Variants in ENPP3 observed in about 807,000 individuals in gnomAD.
The protein encoded by ENPP3 is ectonucleotide pyrophosphatase/phosphodiesterase family member 3.
Under a neutral mutation model 117.8 loss-of-function variants are expected in ENPP3, and 104 were observed. That is an observed-to-expected ratio of 0.88 (90% CI 0.75 to 1.04). The LOEUF (loss-of-function observed/expected upper bound fraction) is 1.04, where lower values mean the gene tolerates loss of function less well. Ranked by LOEUF, ENPP3 falls within the 50% of genes least tolerant of loss-of-function variation. The pLI, the probability that ENPP3 is intolerant of heterozygous loss-of-function variation, is 0.00. For missense variants in ENPP3, 1,026 were observed against 1,051.9 expected, an observed-to-expected ratio of 0.98 and a Z score of 0.34; for synonymous variants, 380 against 349.9, an observed-to-expected ratio of 1.09 and a Z score of -0.96.
chr6:131,707,653 CT>C (rs1427041828), intron 15 of ENPP3, among the ~76,000 whole-genome samples: 1 of 67,522 alleles, frequency 1.5e-5, no homozygotes, highest in Non-Finnish European at 2.3e-5. Flanking sequence ...CTTGAGACTT[CT>C]TTGACTGATA....
intron 6 of ENPP3, among the ~76,000 whole-genome samples, chr6:131,660,001 TA>T (rs1205354907): frequency 6.6e-6 from 1 of 152,202 alleles, no homozygotes; most frequent in African/African-American, 2.4e-5. Flanking sequence ...TAAAATATTT[TA>T]AAACATTTAA....
rs61741318 is a variant in ENPP3, at chr6:131,652,885, C to T, written c.458C>T (p.Pro153Leu). The change falls in exon 5 of 25, where the codon CCA becomes CTA. Residue 153 changes from proline (P) to leucine (L), a missense_variant. Physicochemically the swap from Pro to Leu is moderately conservative, Grantham distance 98 (BLOSUM62 -3). Coordinates refer to ENST00000357639, the MANE Select transcript of ENPP3 (RefSeq NM_005021.5). ...GACACAGCCCAGCAGTCTCAGTGCC[C>T]AGAAGGGTGAGCATGACTGATACAG... Reference protein sequence around the residue: ...NCDTAQQSQCPEGFDLPPVIL... With the variant: ...NCDTAQQSQCLEGFDLPPVIL... 2,574 of 1,609,612 alleles carry T rather than the reference C, an allele frequency of 1.6e-3. 30 individuals carry two copies. The African/African-American group carries it at 0.024, about 15-fold the overall frequency.
intron 6 of ENPP3, among the ~76,000 whole-genome samples, chr6:131,662,709 T>C (rs1228495722): frequency 6.6e-6 from 1 of 152,192 alleles, no homozygotes; most frequent in Non-Finnish European, 1.5e-5. Flanking sequence ...TAATTTTTTT[T>C]CTATTTCTGT....
At chr6:131,730,208 C>G (rs972175329) in intron 20 of ENPP3, among the ~76,000 whole-genome samples, 44 of 152,092 alleles carry the variant, frequency 2.9e-4, no homozygotes, top group Non-Finnish European at 1.9e-4. Flanking sequence ...TCACAATATA[C>G]CAGCGGTCTA....
At chr6:131,694,980 C>A (rs1289727168) in intron 15 of ENPP3, among the ~76,000 whole-genome samples, 1 of 135,134 alleles carries the variant, frequency 7.4e-6, no homozygotes, top group Non-Finnish European at 1.5e-5. Context: ...TGTAAGATAA[C>A]CTGGAAACCC....
intron 7 of ENPP3, among the ~76,000 whole-genome samples, chr6:131,673,134 C>T (rs563023867): frequency 1.3e-5 from 2 of 152,298 alleles, no homozygotes; most frequent in South Asian, 4.1e-4. Context: ...TTAACACCAT[C>T]AGCACAAGCT....
At chr6:131,723,995 C>T (rs1235938472) in intron 18 of ENPP3, 45 bp from the exon 19 acceptor site, 1 of 1,436,362 alleles carries the variant, frequency 7.0e-7, no homozygotes, top group South Asian at 1.2e-5. Flanking sequence ...CATATTGTTG[C>T]TTTGACTTAT....
chr6:131,722,488 C>A, intron 18 of ENPP3, 83 bp downstream of exon 18: 1 of 1,108,760 alleles, frequency 9.0e-7, no homozygotes, highest in Admixed American at 2.0e-5. Flanking sequence ...GGGGTAGCAA[C>A]AACCAGGTTT....
rs151191321 is a variant in ENPP3, at chr6:131,676,745, A to G, written c.882A>G (p.Pro294=). Residue 294 remains proline (P), a synonymous_variant, in exon 10 of 25, where the codon CCA becomes CCG. Coordinates refer to ENST00000357639, the MANE Select transcript of ENPP3 (RefSeq NM_005021.5). ...SIYMPYNGSV[P]FEERISTLLK... is the part of the protein sequence containing the mutation. ...TACCCTATTTTTTCAGAAGTGTCCC[A>G]TTTGAAGAGAGGATTTCTACACTGT... The G allele has an allele frequency of 1.5e-4, 241 of 1,603,670 alleles. No individual in the cohort carries two copies. Among genetic ancestry groups the G allele is most frequent in the Non-Finnish European group, 2.0e-4 (230 of 1,170,672 alleles).
chr6:131,641,739 C>A (rs956743033), intron 2 of ENPP3, among the ~76,000 whole-genome samples: 14 of 149,432 alleles, frequency 9.4e-5, no homozygotes, highest in African/African-American at 3.4e-4. Flanking sequence ...TACTTTTTCA[C>A]CCTGCTCATT....
At chr6:131,707,375 GCTAT>G (rs1480179362) in intron 15 of ENPP3, among the ~76,000 whole-genome samples, 1 of 73,636 alleles carries the variant, frequency 1.4e-5, no homozygotes, top group Non-Finnish European at 2.2e-5. Flanking sequence ...TTTTAACATA[GCTAT>G]CTCTTTGTTT....
intron 12 of ENPP3, 72 bp downstream of exon 12, chr6:131,683,234 A>C (rs1478665302): frequency 6.0e-6 from 5 of 837,930 alleles, no homozygotes. Flanking sequence ...TACACAAATA[A>C]TAGTGATATT....
chr6:131,685,588 A>G, intron 13 of ENPP3, 93 bp downstream of exon 13: 1 of 1,274,140 alleles, frequency 7.8e-7, no homozygotes, highest in Non-Finnish European at 1.1e-6. Context: ...GGGTTATCAG[A>G]CCCTCTACTG....
At chr6:131,669,118 T>C (rs969991789) in intron 6 of ENPP3, among the ~76,000 whole-genome samples, 1 of 152,206 alleles carries the variant, frequency 6.6e-6, no homozygotes. Flanking sequence ...ACTGACTTTA[T>C]GTATCTGTTC....
rs535418364 is a variant in ENPP3, at chr6:131,708,591, C to T, written c.1413-10081C>T. ...TCAAAATTACTTTTGAAGAAAGCAA[C>T]AATATTGTCAGGTGTCTTGCTGTGG... On this transcript the variant is annotated intron_variant, in intron 15 of 24. Transcript: ENST00000357639. The T allele has an allele frequency of 3.1e-5, 48 of 1,542,672 alleles. 1 individual carries two copies. In the Admixed American group the frequency reaches 7.8e-4, roughly 25 times the overall value.
At chr6:131,674,652 A>T (rs926531084) in intron 8 of ENPP3, among the ~76,000 whole-genome samples, 3 of 147,436 alleles carry the variant, frequency 2.0e-5, no homozygotes, top group Middle Eastern at 3.4e-3. Flanking sequence ...GGCTTACTGT[A>T]ACCTCTGCTT....
At chr6:131,729,977 A>C (rs1043482526) in intron 20 of ENPP3, among the ~76,000 whole-genome samples, 2 of 152,170 alleles carry the variant, frequency 1.3e-5, no homozygotes, top group Non-Finnish European at 2.9e-5. Flanking sequence ...AAGTTGTTTA[A>C]GCACAACTTT....
intron 12 of ENPP3, 41 bp from the exon 13 acceptor site, chr6:131,685,323 A>G (rs543928516): frequency 6.5e-7 from 1 of 1,541,356 alleles, no homozygotes; most frequent in African/African-American, 1.4e-5. Context: ...GTTGCCATTT[A>G]TATACATTCA....
Position 131,738,173 on chromosome 6 carries a change from T to G in ENPP3, c.2300+10T>G, listed in dbSNP as rs769996917. ...CAGATGAAATTACCAAGTAAGTGAT[T>G]TGACTTTTTGATTTATCAATAGGGT... On this transcript the variant is annotated intron_variant, in intron 23 of 24. Transcript: ENST00000357639. 8.1e-6 allele frequency: 13 copies of G among 1,608,186 alleles called. No homozygotes were observed. The highest frequency in any genetic ancestry group is 5.3e-5 in the African/African-American group (4 of 74,798).
Sources: allele counts gnomAD v4.1 joint callset (sites outside exome capture counted in the v4.1 genomes callset), GRCh38; gene constraint gnomAD v4.1.1; transcripts MANE v1.5; gene names NCBI Gene and HGNC (gene_info 2026-07-23, HGNC 2026-07-21).